Variants in RDX observed in about 807,000 individuals in gnomAD.
The protein encoded by RDX is radixin.
RDX carries 32 observed loss-of-function variants against 83.7 expected under a neutral mutation model. The observed-to-expected ratio is 0.38, with a 90% CI of 0.29 to 0.51. The LOEUF is 0.51. Among genes scored for constraint, RDX ranks in the 20% least tolerant of loss-of-function variants. The pLI, the probability that RDX is intolerant of heterozygous loss-of-function variation, is 0.87. For synonymous variants in RDX, 229 were observed against 222.7 expected, an observed-to-expected ratio of 1.03 and a Z score of -0.25; for missense variants, 600 against 689.9, an observed-to-expected ratio of 0.87 and a Z score of 1.46.
chr11:110,253,867 CA>C (rs1197227739), intron 9 of RDX, 78 bp downstream of exon 9: 1 of 1,188,280 alleles, frequency 8.4e-7, no homozygotes, highest in East Asian at 2.4e-5. Flanking sequence ...ATTTAAGGTA[CA>C]TTTAAAAAAC....
rs560997541 is a variant in RDX, at chr11:110,191,615, G to T, written c.*31+7966C>A. On this transcript the variant is annotated intron_variant, in intron 15 of 15. Coordinates refer to the RDX transcript ENST00000528498. ...TCACGCCTGTAATCCCAGCACTTTG[G>T]GAGGCCAAGGCAGGTAAATCACCTG... Among the ~76,000 whole-genome samples, 274 of 152,314 alleles carry T rather than the reference G, an allele frequency of 1.8e-3. 2 individuals carry two copies. The highest frequency in any genetic ancestry group is 3.3e-3 in the Non-Finnish European group (226 of 68,026).
chr11:110,215,410 A>AAAT (rs1238421502), intron 14 of RDX, among the ~76,000 whole-genome samples: 8 of 150,090 alleles, frequency 5.3e-5, no homozygotes, highest in African/African-American at 9.8e-5. Context: ...ATAAATAAAT[A>AAAT]AAATAATAAT....
chr11:110,258,945 C>T (rs147749097), intron 5 of RDX, among the ~76,000 whole-genome samples: 57 of 131,788 alleles, frequency 4.3e-4, no homozygotes, highest in African/African-American at 1.6e-3. Context: ...AATCTCGGTT[C>T]ACTGCAACCT....
At chr11:110,220,274 CTAT>C (rs1309789451) in intron 14 of RDX, among the ~76,000 whole-genome samples, 1 of 152,124 alleles carries the variant, frequency 6.6e-6, no homozygotes, top group Admixed American at 6.5e-5. Context: ...ACAGAAGTTA[CTAT>C]TTATTAACAT....
intron 15 of RDX, among the ~76,000 whole-genome samples, chr11:110,192,419 CA>C (rs1433079308): frequency 1.2e-4 from 18 of 152,272 alleles, no homozygotes; most frequent in African/African-American, 4.1e-4. Context: ...TGTAAGACCT[CA>C]AATTATAAAA....
intron 11 of RDX, chr11:110,236,525 A>T (rs1179199394): frequency 3.7e-6 from 1 of 268,142 alleles, no homozygotes; most frequent in African/African-American, 2.3e-5. Context: ...TAAAATATTT[A>T]TCTAATGCTA....
At chr11:110,205,158 A>G (rs1001552088) in intron 14 of RDX, among the ~76,000 whole-genome samples, 1 of 152,228 alleles carries the variant, frequency 6.6e-6, no homozygotes, top group African/African-American at 2.4e-5. Flanking sequence ...ACTGTTAAAT[A>G]AAGTATCAAG....
intron 15 of RDX, among the ~76,000 whole-genome samples, chr11:110,178,012 A>G (rs912156323): frequency 1.3e-5 from 2 of 151,944 alleles, no homozygotes; most frequent in African/African-American, 2.4e-5. Context: ...CTCCCCACAC[A>G]GTGACATCCC....
intron 1 of RDX, chr11:110,288,247 T>C (rs1861066903): frequency 1.3e-5 from 2 of 152,208 alleles, no homozygotes; most frequent in South Asian, 4.1e-4. Context: ...TGAACTGCAA[T>C]ATTAACACCA....
Position 110,281,196 on chromosome 11 carries a change from T to C in RDX, c.-64-1440A>G, listed in dbSNP as rs548071268. ...ACAAAAAAAGAAAAGATGCCATAACTAATAAAAGAGAAATTCTCTAAGTTG... is the reference window on the plus strand; with the variant it reads ...ACAAAAAAAGAAAAGATGCCATAACCAATAAAAGAGAAATTCTCTAAGTTG... On this transcript the variant is annotated intron_variant, in intron 1 of 13. Coordinates refer to ENST00000645495, the MANE Select transcript of RDX (RefSeq NM_002906.4). 7.9e-5 allele frequency among the ~76,000 whole-genome samples: 12 copies of C among 152,206 alleles called. No individual in the cohort carries two copies. The East Asian group carries it at 2.1e-3, about 27-fold the overall frequency.
intron 15 of RDX, among the ~76,000 whole-genome samples, chr11:110,199,262 G>A (rs1284868279): frequency 6.6e-6 from 1 of 152,130 alleles, no homozygotes; most frequent in Non-Finnish European, 1.5e-5. Context: ...GGTCCAATCA[G>A]CTCACCAAGA....
chr11:110,253,805 GTGA>G, intron 9 of RDX, 138 bp downstream of exon 9: 2 of 746,208 alleles, frequency 2.7e-6, no homozygotes, highest in East Asian at 5.5e-5. Context: ...AAAGGACAGA[GTGA>G]TAATACTGTC....
intron 1 of RDX, among the ~76,000 whole-genome samples, chr11:110,291,818 G>A (rs1431122001): frequency 6.6e-6 from 1 of 152,112 alleles, no homozygotes; most frequent in Non-Finnish European, 1.5e-5. Flanking sequence ...TGAGCCTCTG[G>A]ACTTTTAGTA....
chr11:110,204,514 CTTTT>C (rs577737066), intron 14 of RDX, among the ~76,000 whole-genome samples: 3 of 107,716 alleles, frequency 2.8e-5, no homozygotes, highest in Non-Finnish European at 5.4e-5. Flanking sequence ...TTTTTTTTTC[CTTTT>C]TTTTTTTTTT....
rs61030269 is a variant in RDX, at chr11:110,230,579, T to TACACACACACACACAC, written c.*1274_*1289dup. On this transcript the variant is annotated 3_prime_UTR_variant, in exon 14 of 14. Coordinates refer to ENST00000645495, the MANE Select transcript of RDX (RefSeq NM_002906.4). ...TTCTCTCTCTCATACACACACAGAG[T>TACACACACACACACAC]ACACACACACACACACACACACACA... The TACACACACACACACAC allele has an allele frequency of 7.5e-5, 11 of 147,176 alleles. No homozygotes were observed. The highest frequency in any genetic ancestry group is 4.4e-4 in the South Asian group (2 of 4,568). 9.1% of individuals were successfully genotyped at this position (147,176 alleles called of 1,614,324 possible).
chr11:110,233,095 T>C (rs1014222879), intron 13 of RDX, 142 bp downstream of exon 13: 20 of 970,506 alleles, frequency 2.1e-5, no homozygotes, highest in Non-Finnish European at 3.2e-5. Flanking sequence ...TGAAATAACA[T>C]GACTATAGGC....
At position 110,271,542 on chromosome 11, in the gene RDX, A is replaced by T. The variant is rs551577043; in HGVS notation, c.96+994T>A. ...CGTTTTCTCAGCAAAACTTGCTTAC[A>T]TTGCAATACAACATTATCTGGGAAG... is the stretch of plus-strand genomic sequence containing the variant. On this transcript the variant is annotated intron_variant, in intron 3 of 13. Transcript: ENST00000645495. 2.0e-5 allele frequency among the ~76,000 whole-genome samples: 3 copies of T among 152,188 alleles called. No individual in the cohort carries two copies. The East Asian group carries it at 5.8e-4, about 29-fold the overall frequency.
rs1197214147 is a variant in RDX at position 110,238,944 on chromosome 11, A to C, written c.1091-1292T>G. The stretch of plus-strand genomic sequence containing the variant: ...TGTCTCAAAAAAAAAAAAAAAAAAC[A>C]AAAAAAACACTTGGAAGGTTTTGAG... On this transcript the variant is annotated intron_variant, in intron 10 of 13. Transcript: ENST00000645495. Among the ~76,000 whole-genome samples the C allele has an allele frequency of 1.3e-4, 19 of 150,484 alleles. No individual in the cohort carries two copies. The East Asian group carries it at 3.6e-3, about 28-fold the overall frequency.
intron 15 of RDX, among the ~76,000 whole-genome samples, chr11:110,183,496 T>C (rs1165517861): frequency 1.3e-5 from 2 of 152,166 alleles, no homozygotes; most frequent in Non-Finnish European, 2.9e-5. Context: ...CCAGCCAATT[T>C]ATTTTTCTGT....
Sources: allele counts gnomAD v4.1 joint callset (sites outside exome capture counted in the v4.1 genomes callset), GRCh38; gene constraint gnomAD v4.1.1; transcripts MANE v1.5; gene names NCBI Gene and HGNC (gene_info 2026-07-23, HGNC 2026-07-21).